ROS1: variants seen among roughly 807,000 people sequenced by gnomAD.
ROS1 encodes proto-oncogene tyrosine-protein kinase ROS.
In ROS1, 263 loss-of-function variants were observed where a neutral mutation model predicts 273.5. The observed-to-expected ratio is 0.96, with a 90% CI of 0.87 to 1.06. The LOEUF (loss-of-function observed/expected upper bound fraction) is 1.06. ROS1 is among the 50% of genes least tolerant of loss of function. The pLI, the probability that ROS1 is intolerant of heterozygous loss-of-function variation, is 0.00. For synonymous variants in ROS1, 1,008 were observed against 954.1 expected (o/e 1.06, Z -1.04); for missense variants, 2,833 against 2,751.1 (o/e 1.03, Z -0.67).
At chr6:117,361,382 T>A (rs1005165281) in intron 22 of ROS1, among the ~76,000 whole-genome samples, 1 of 150,398 alleles carries the variant, frequency 6.6e-6, no homozygotes, top group Non-Finnish European at 1.5e-5. Context: ...CATATTTTAC[T>A]GTATTTTATA....
At chr6:117,318,635 C>T (rs1476448163) in intron 37 of ROS1, among the ~76,000 whole-genome samples, 1 of 152,036 alleles carries the variant, frequency 6.6e-6, no homozygotes, top group African/African-American at 2.4e-5. Context: ...TTGATCAAAG[C>T]TAATCATGAA....
intron 43 of ROS1, among the ~76,000 whole-genome samples, chr6:117,290,695 T>C (rs1773772093): frequency 6.6e-6 from 1 of 152,148 alleles, no homozygotes; most frequent in Non-Finnish European, 1.5e-5. Flanking sequence ...TTGGATGAAG[T>C]CACTGGGATA....
intron 16 of ROS1, 85 bp downstream of exon 16, chr6:117,385,596 TTA>T: frequency 3.4e-6 from 4 of 1,159,470 alleles, no homozygotes; most frequent in Non-Finnish European, 5.0e-6. Flanking sequence ...GCACAGGTAT[TTA>T]AAAAAAAAAA....
At chr6:117,410,216 C>G (rs1168833697) in intron 4 of ROS1, among the ~76,000 whole-genome samples, 1 of 152,168 alleles carries the variant, frequency 6.6e-6, no homozygotes, top group African/African-American at 2.4e-5. Flanking sequence ...TGACGACCCT[C>G]TAATGTGTCA....
chr6:117,425,457 A>T, intron 1 of ROS1, 77 bp downstream of exon 1: 10 of 1,407,434 alleles, frequency 7.1e-6, no homozygotes, highest in Non-Finnish European at 8.5e-6. Context: ...AAGAGAAAAC[A>T]ATTCTATCAG....
intron 14 of ROS1, 121 bp downstream of exon 14, chr6:117,387,659 C>A: frequency 1.0e-6 from 1 of 956,540 alleles, no homozygotes; most frequent in Non-Finnish European, 1.6e-6. Flanking sequence ...CAAACACATA[C>A]TCAAGAGGTC....
Position 117,371,067 on chromosome 6 carries a change from T to C in ROS1, c.2583-4777A>G, listed in dbSNP as rs116447077. 4.0e-3 allele frequency among the ~76,000 whole-genome samples: 604 copies of C among 152,272 alleles called. 6 individuals are homozygous for C. The highest frequency in any genetic ancestry group is 0.014 in the African/African-American group (576 of 41,546). On this transcript the variant is annotated intron_variant, in intron 18 of 43. Coordinates refer to ENST00000368507, the MANE Select transcript of ROS1 (RefSeq NM_001378902.1). The stretch of plus-strand genomic sequence containing the variant: ...AGACTCAGATCAGTTCCCAAAATAG[T>C]GAATAGGAGGCAAGGACTAACTTGC...
chr6:117,366,819 T>C (rs551018500), intron 18 of ROS1, among the ~76,000 whole-genome samples: 1 of 152,282 alleles, frequency 6.6e-6, no homozygotes, highest in South Asian at 2.1e-4. Flanking sequence ...TCTGGGGGCT[T>C]TTCTTATTAA....
intron 43 of ROS1, among the ~76,000 whole-genome samples, chr6:117,290,125 C>T (rs1773731318): frequency 6.6e-6 from 1 of 152,122 alleles, no homozygotes; most frequent in Admixed American, 6.5e-5. Context: ...CATTGTCATA[C>T]ATTTAATCCA....
chr6:117,342,624 G>T, intron 28 of ROS1, 80 bp from the exon 29 acceptor site: 1 of 966,142 alleles, frequency 1.0e-6, no homozygotes, highest in Non-Finnish European at 1.5e-6. Flanking sequence ...ATCAAAGAGA[G>T]AACAAAGTTA....
intron 35 of ROS1, among the ~76,000 whole-genome samples, 195 bp downstream of exon 35, chr6:117,324,137 T>C (rs1477917753): frequency 6.6e-6 from 1 of 152,180 alleles, no homozygotes; most frequent in Non-Finnish European, 1.5e-5. Flanking sequence ...TTCCATAAAA[T>C]AGTTATGCCT....
chr6:117,390,688 A>G (rs907138239), intron 12 of ROS1, among the ~76,000 whole-genome samples: 1 of 152,156 alleles, frequency 6.6e-6, no homozygotes, highest in African/African-American at 2.4e-5. Context: ...TTAATCTACA[A>G]TTGATGCAGG....
chr6:117,335,380 C>T (rs1192142870), intron 32 of ROS1, among the ~76,000 whole-genome samples: 1 of 152,156 alleles, frequency 6.6e-6, no homozygotes, highest in Non-Finnish European at 1.5e-5. Context: ...AATACTTTTA[C>T]ACTGTTGGTG....
At chr6:117,423,835 T>G (rs1173851061) in intron 1 of ROS1, among the ~76,000 whole-genome samples, 1 of 152,176 alleles carries the variant, frequency 6.6e-6, no homozygotes, top group Non-Finnish European at 1.5e-5. Flanking sequence ...TTGTATATCC[T>G]CTCCTGTGAA....
At chr6:117,339,453 A>G (rs891696372) in intron 31 of ROS1, among the ~76,000 whole-genome samples, 1 of 152,142 alleles carries the variant, frequency 6.6e-6, no homozygotes, top group African/African-American at 2.4e-5. Flanking sequence ...TAAAGAGACA[A>G]ATATTCTCTT....
At chr6:117,357,405 T>C (rs1169359190) in intron 25 of ROS1, among the ~76,000 whole-genome samples, 1 of 152,222 alleles carries the variant, frequency 6.6e-6, no homozygotes, top group Non-Finnish European at 1.5e-5. Context: ...CTTATGAGGA[T>C]ATTAGTTAAA....
At chr6:117,366,896 G>T (rs1172777417) in intron 18 of ROS1, among the ~76,000 whole-genome samples, 1 of 152,134 alleles carries the variant, frequency 6.6e-6, no homozygotes, top group African/African-American at 2.4e-5. Context: ...TGTGATTTTG[G>T]TAATACTCTA....
chr6:117,409,285 T>C lies in ROS1; in HGVS notation c.316+297A>G, dbSNP rs571664837. Among the ~76,000 whole-genome samples, 8 of 152,218 alleles carry C rather than the reference T, an allele frequency of 5.3e-5. No individual in the cohort carries two copies. In the East Asian group the frequency reaches 1.5e-3, roughly 29 times the overall value. ...TCTGACATCAAGTCTGCTCAGGATG[T>C]ACATTTGTCTGTCATTAAGAGAGAA... On this transcript the variant is annotated intron_variant, in intron 5 of 43. Coordinates refer to ENST00000368507, the MANE Select transcript of ROS1 (RefSeq NM_001378902.1).
rs1242770397 is a variant in ROS1 at position 117,342,494 on chromosome 6, T to G, written c.4557A>C (p.Thr1519=). 1 of 1,603,810 alleles carries G rather than the reference T, an allele frequency of 6.2e-7. No homozygotes were observed. The highest frequency in any genetic ancestry group is 8.5e-7 in the Non-Finnish European group (1 of 1,172,068). ...TTTTTACAGCTATCTGTATCATGTA[T>G]GTTGAAAATGGTTGTAAATCTTCAA... is the stretch of plus-strand genomic sequence containing the variant. ...ALIEDLQPFS[T]YMIQIAVKNY... Residue 1519 remains threonine, a synonymous_variant, in exon 29 of 44, where the codon ACA becomes ACC. Coordinates refer to ENST00000368507, the MANE Select transcript of ROS1 (RefSeq NM_001378902.1).
Sources: allele counts gnomAD v4.1 joint callset (sites outside exome capture counted in the v4.1 genomes callset), GRCh38; gene constraint gnomAD v4.1.1; transcripts MANE v1.5; gene names NCBI Gene and HGNC (gene_info 2026-07-23, HGNC 2026-07-21).